SKI: variants seen among roughly 807,000 people sequenced by gnomAD.
SKI encodes ski oncogene.
SKI carries 23 observed loss-of-function variants against 59.3 expected under a neutral mutation model. That is an observed-to-expected ratio of 0.39 (90% confidence interval 0.28 to 0.55). SKI has a LOEUF of 0.55. SKI is among the 20% of genes least tolerant of loss of function. The pLI is 0.67. For missense variants in SKI, 1,017 were observed against 1,038.9 expected (o/e 0.98, Z 0.29); for synonymous variants, 673 against 488.6 (o/e 1.38, Z -4.98).
In SKI at chr1:2,303,207, G is replaced by T; in HGVS notation, c.1096-78G>T. ...TCCACCTGCCCGCTACTGAGGGCTG[G>T]CACCCGGCGCAGCCTCAGGGACATG... On this transcript the variant is annotated intron_variant, in intron 2 of 6. Coordinates refer to ENST00000378536, the MANE Select transcript of SKI (RefSeq NM_003036.4). The surrounding 1 kb of genome is among the most constrained non-coding windows in gnomAD (Gnocchi z 5.6). 1.3e-6 allele frequency: 2 copies of T among 1,598,360 alleles called. No individual in the cohort carries two copies. The highest frequency in any genetic ancestry group is 4.5e-5 in the East Asian group (2 of 44,808).
intron 1 of SKI, among the ~76,000 whole-genome samples, chr1:2,287,048 C>T (rs566531549): frequency 9.2e-5 from 14 of 152,200 alleles, no homozygotes; most frequent in Non-Finnish European, 1.8e-4. Flanking sequence ...GCGTTTTCTT[C>T]CCAGACCCGG....
chr1:2,255,605 C>G (rs143833835), intron 1 of SKI, among the ~76,000 whole-genome samples: 97 of 151,562 alleles, frequency 6.4e-4, no homozygotes, highest in African/African-American at 2.2e-3. Context: ...CATTTCCTGT[C>G]TGGAACATGC....
At chr1:2,242,383 A>T (rs760850282) in intron 1 of SKI, among the ~76,000 whole-genome samples, 5 of 152,028 alleles carry the variant, frequency 3.3e-5, no homozygotes, top group Non-Finnish European at 5.9e-5. Flanking sequence ...GTCAGGGGAG[A>T]GGCAGGAATG....
At chr1:2,257,600 G>C (rs2100833262) in intron 1 of SKI, among the ~76,000 whole-genome samples, 1 of 152,362 alleles carries the variant, frequency 6.6e-6, no homozygotes, top group South Asian at 2.1e-4. Flanking sequence ...ATTTTTGAGA[G>C]GAGAATGGGG....
chr1:2,250,418 A>C (rs1470649660), intron 1 of SKI, among the ~76,000 whole-genome samples: 2 of 152,158 alleles, frequency 1.3e-5, no homozygotes, highest in African/African-American at 4.8e-5. Context: ...GAGGAGCAGG[A>C]AGTGGCCCAT....
In SKI at chr1:2,229,881, C is replaced by G; in HGVS notation, c.969+146C>G. ...GTCTTCGCTTTGTTTTAGGGAAATTCAGAGTGTTCCGACTGGCAGGGCCAG... is the reference window on the plus strand; with the variant it reads ...GTCTTCGCTTTGTTTTAGGGAAATTGAGAGTGTTCCGACTGGCAGGGCCAG... On this transcript the variant is annotated intron_variant, in intron 1 of 6. Coordinates refer to ENST00000378536, the MANE Select transcript of SKI (RefSeq NM_003036.4). This position sits in a 1 kb window ranked among gnomAD's most constrained non-coding sequence, Gnocchi z 6.3. The G allele has an allele frequency of 1.4e-6, 2 of 1,435,730 alleles. No homozygotes were observed. The highest frequency in any genetic ancestry group is 2.7e-5 in the South Asian group (2 of 75,062). 88.9% of individuals were successfully genotyped at this position (1,435,730 alleles called of 1,614,324 possible).
Position 2,303,593 on chromosome 1 carries a change from G to A in SKI, c.1211+193G>A, listed in dbSNP as rs1266803949. On this transcript the variant is annotated intron_variant, in intron 3 of 6. Transcript: ENST00000378536. This position sits in a 1 kb window ranked among gnomAD's most constrained non-coding sequence, Gnocchi z 5.6. ...TAGAGCGTTCCCTGTGTTCTGGGTG[G>A]AGTCGTGGGTGGAGCCCTGTCTGCT... is the stretch of plus-strand genomic sequence containing the variant. The A allele has an allele frequency of 1.5e-6, 1 of 685,744 alleles. No homozygotes were observed. Among genetic ancestry groups the A allele is most frequent in the Admixed American group, 2.7e-5 (1 of 37,558 alleles). 42.5% of individuals were successfully genotyped at this position (685,744 alleles called of 1,614,324 possible). A position where few individuals can be genotyped will look rare whatever the true frequency, so the allele number is the denominator to read the frequency against.
Position 2,309,269 on chromosome 1 carries a change from T to G in SKI, c.*2504T>G, listed in dbSNP as rs1252656934. ...TGTGTGGGCTGCTGACTCCTCTGTG[T>G]GTGAGGCCCTTCATCTAAGTGATTG... On this transcript the variant is annotated 3_prime_UTR_variant, in exon 7 of 7. Transcript: ENST00000378536. 2 of 152,212 alleles carry G rather than the reference T, an allele frequency of 1.3e-5. No homozygotes were observed. The highest frequency in any genetic ancestry group is 2.9e-5 in the Non-Finnish European group (2 of 68,040). 9.4% of individuals were successfully genotyped at this position (152,212 alleles called of 1,614,324 possible).
chr1:2,278,505 C>T (rs1194986115), intron 1 of SKI, among the ~76,000 whole-genome samples: 1 of 152,202 alleles, frequency 6.6e-6, no homozygotes, highest in East Asian at 1.9e-4. Context: ...CGTGGTGTGC[C>T]TCCCCATCTG....
intron 1 of SKI, among the ~76,000 whole-genome samples, chr1:2,286,296 G>T (rs570788650): frequency 4.6e-5 from 7 of 152,182 alleles, no homozygotes; most frequent in Admixed American, 1.3e-4. Context: ...GAGCCCAGGA[G>T]ACCAGCCTGG....
At chr1:2,295,755 C>G (rs932943329) in intron 1 of SKI, among the ~76,000 whole-genome samples, 2 of 152,198 alleles carry the variant, frequency 1.3e-5, no homozygotes, top group African/African-American at 4.8e-5. Context: ...TGTGTCCGGC[C>G]TCAGCACAGT....
chr1:2,303,644 CTG>C lies in SKI; in HGVS notation c.1212-192_1212-191del. On this transcript the variant is annotated intron_variant, in intron 3 of 6. Coordinates refer to ENST00000378536, the MANE Select transcript of SKI (RefSeq NM_003036.4). The surrounding 1 kb of genome is among the most constrained non-coding windows in gnomAD (Gnocchi z 5.6). ...GGGCGCAGCTTCTTGATGTGTTGGC[CTG>C]TGTCTGGCCTTCGCAAGAGACCCAG... 1.3e-6 allele frequency: 1 copy of C among 772,622 alleles called. No homozygotes were observed. The highest frequency in any genetic ancestry group is 2.1e-6 in the Non-Finnish European group (1 of 480,692). 47.9% of individuals were successfully genotyped at this position (772,622 alleles called of 1,614,324 possible).
At chr1:2,271,200 C>T (rs1477598775) in intron 1 of SKI, among the ~76,000 whole-genome samples, 1 of 151,020 alleles carries the variant, frequency 6.6e-6, no homozygotes, top group East Asian at 1.9e-4. Context: ...GAGGCCTGGA[C>T]ACTCCCACCT....
At chr1:2,242,066 T>A (rs1442693059) in intron 1 of SKI, among the ~76,000 whole-genome samples, 1 of 152,160 alleles carries the variant, frequency 6.6e-6, no homozygotes, top group African/African-American at 2.4e-5. Context: ...AATATCTTGT[T>A]GGGAGGCAGC....
intron 1 of SKI, among the ~76,000 whole-genome samples, chr1:2,246,668 G>A (rs1197706843): frequency 1.3e-5 from 2 of 152,192 alleles, no homozygotes; most frequent in Non-Finnish European, 2.9e-5. Context: ...CGGGACTGGT[G>A]GTGTTCATGG....
intron 1 of SKI, among the ~76,000 whole-genome samples, chr1:2,231,916 T>C (rs1638648015): frequency 6.6e-6 from 1 of 152,242 alleles, no homozygotes. Flanking sequence ...GCTCTGTGAC[T>C]GTGCACTTGG....
chr1:2,285,414 C>T (rs1042790420), intron 1 of SKI, among the ~76,000 whole-genome samples: 1 of 151,514 alleles, frequency 6.6e-6, no homozygotes, highest in African/African-American at 2.4e-5. Flanking sequence ...ACTAGGGAGG[C>T]TGAGGCAGGA....
chr1:2,303,592 G>A lies in SKI; in HGVS notation c.1211+192G>A. On this transcript the variant is annotated intron_variant, in intron 3 of 6. Coordinates refer to ENST00000378536, the MANE Select transcript of SKI (RefSeq NM_003036.4). The surrounding 1 kb of genome is among the most constrained non-coding windows in gnomAD (Gnocchi z 5.6). ...CTAGAGCGTTCCCTGTGTTCTGGGT[G>A]GAGTCGTGGGTGGAGCCCTGTCTGC... 1.5e-6 allele frequency: 1 copy of A among 685,004 alleles called. No individual in the cohort carries two copies. Among genetic ancestry groups the A allele is most frequent in the East Asian group, 2.7e-5 (1 of 36,934 alleles). The allele number at this position is 685,004 out of a possible 1,614,324, so 42.4% of individuals were successfully genotyped here. A position where few individuals can be genotyped will look rare whatever the true frequency, so the allele number is the denominator to read the frequency against.
At chr1:2,305,052 G>C (rs1640532973) in intron 5 of SKI, among the ~76,000 whole-genome samples, 1 of 152,228 alleles carries the variant, frequency 6.6e-6, no homozygotes, top group African/African-American at 2.4e-5. Flanking sequence ...GGCGTGAGGG[G>C]CGTGCTTACT....
Sources: gnomAD v4.1 joint callset for allele counts (sites outside exome capture counted in the v4.1 genomes callset) on GRCh38, gnomAD v4.1.1 for gene constraint, Gnocchi (gnomAD v3.1) non-coding constraint, MANE v1.5 for transcripts, NCBI Gene and HGNC (gene_info 2026-07-23, HGNC 2026-07-21) for gene names.